Variants in POLD3 observed in about 807,000 individuals in gnomAD.
The protein encoded by POLD3 is DNA polymerase delta 3, accessory subunit, also known as DNA polymerase delta subunit 3.
In POLD3, 19 loss-of-function variants were observed where a neutral mutation model predicts 58.2. The observed-to-expected ratio is 0.33, with a 90% confidence interval of 0.23 to 0.48. The LOEUF is 0.48. Among genes scored for constraint, POLD3 ranks in the 20% least tolerant of loss-of-function variants. POLD3 has a pLI of 0.99. For missense variants in POLD3, 504 were observed against 545.5 expected (o/e 0.92, Z 0.76); for synonymous variants, 172 against 193.5 (o/e 0.89, Z 0.92).
chr11:74,632,962 C>A (rs149090159), intron 9 of POLD3, among the ~76,000 whole-genome samples: 1 of 143,212 alleles, frequency 7.0e-6, no homozygotes, highest in African/African-American at 2.8e-5. Context: ...CCAGGGAAAT[C>A]GTGGTGTCTC....
At chr11:74,594,417 A>G (rs893176059) in intron 2 of POLD3, among the ~76,000 whole-genome samples, 3 of 152,182 alleles carry the variant, frequency 2.0e-5, no homozygotes, top group East Asian at 1.9e-4. Context: ...CTATAATTCT[A>G]TTTCTAAATA....
intron 4 of POLD3, among the ~76,000 whole-genome samples, chr11:74,665,112 T>C (rs991489377): frequency 7.0e-6 from 1 of 143,528 alleles, no homozygotes; most frequent in Non-Finnish European, 1.5e-5. Flanking sequence ...AAAATAAAAA[T>C]AAAAATAAAA....
intron 5 of POLD3, among the ~76,000 whole-genome samples, chr11:74,614,778 G>C (rs1475564941): frequency 6.6e-6 from 1 of 151,976 alleles, no homozygotes; most frequent in East Asian, 1.9e-4. Flanking sequence ...GATGGTGGAA[G>C]ACAGCCTTTC....
chr11:74,621,543 T>A (rs1020471247), intron 7 of POLD3, among the ~76,000 whole-genome samples: 5 of 152,074 alleles, frequency 3.3e-5, no homozygotes, highest in Non-Finnish European at 7.4e-5. Context: ...ATGGTTTTTT[T>A]TAAAAAAATC....
chr11:74,626,983 T>C (rs1386165533), intron 8 of POLD3, among the ~76,000 whole-genome samples: 1 of 152,196 alleles, frequency 6.6e-6, no homozygotes, highest in Non-Finnish European at 1.5e-5. Flanking sequence ...TACATAATAC[T>C]TGATAATAAA....
intron 4 of POLD3, among the ~76,000 whole-genome samples, chr11:74,650,703 C>T (rs1225814762): frequency 6.6e-6 from 1 of 152,204 alleles, no homozygotes; most frequent in Non-Finnish European, 1.5e-5. Context: ...TCCAACCCTC[C>T]TCAGTCCACT....
At chr11:74,645,261 T>G (rs2032985083), downstream of POLD3, among the ~76,000 whole-genome samples, 1 of 152,222 alleles carries the variant, frequency 6.6e-6, no homozygotes, top group Non-Finnish European at 1.5e-5. Context: ...TATTTGAACT[T>G]CACTTGCCAC....
intron 9 of POLD3, among the ~76,000 whole-genome samples, chr11:74,631,377 A>T (rs532791127): frequency 6.6e-6 from 1 of 151,980 alleles, no homozygotes; most frequent in Admixed American, 6.6e-5. Flanking sequence ...GGGGATTTTT[A>T]TCACAGATGG....
intron 7 of POLD3, among the ~76,000 whole-genome samples, chr11:74,622,330 T>TA (rs2032289688): frequency 6.6e-6 from 1 of 152,168 alleles, no homozygotes; most frequent in Non-Finnish European, 1.5e-5. Context: ...ACAATAAACA[T>TA]ACGTGTGCAT....
chr11:74,599,794 G>A (rs948909423), intron 2 of POLD3, among the ~76,000 whole-genome samples: 2 of 152,092 alleles, frequency 1.3e-5, no homozygotes, highest in Non-Finnish European at 1.5e-5. Flanking sequence ...AATTAAGTTG[G>A]GTTAGAGAAA....
At chr11:74,596,302 A>G (rs913039132) in intron 2 of POLD3, among the ~76,000 whole-genome samples, 8 of 148,236 alleles carry the variant, frequency 5.4e-5, no homozygotes, top group African/African-American at 1.7e-4. Flanking sequence ...TACTGCCTCA[A>G]CCTCCGAGGT....
intron 1 of POLD3, chr11:74,593,025 CCTTT>C: frequency 8.2e-7 from 1 of 1,221,166 alleles, no homozygotes; most frequent in Non-Finnish European, 1.0e-6. Flanking sequence ...CGTCCCTACA[CCTTT>C]CTTTTAAGGT....
chr11:74,605,858 A>G (rs1217289998), intron 3 of POLD3, among the ~76,000 whole-genome samples: 1 of 152,116 alleles, frequency 6.6e-6, no homozygotes, highest in East Asian at 1.9e-4. Flanking sequence ...CTGGGTTGGG[A>G]GAATCACTTG....
chr11:74,647,637 A>G (rs10899024), downstream of POLD3, among the ~76,000 whole-genome samples: 83,078 of 152,006 alleles, frequency 0.55, 23,204 homozygotes, highest in Non-Finnish European at 0.61. Flanking sequence ...TTTGCCCAAC[A>G]ACTATGGTGG....
chr11:74,620,676 A>G (rs936593961), intron 7 of POLD3, among the ~76,000 whole-genome samples: 3 of 152,218 alleles, frequency 2.0e-5, no homozygotes, highest in African/African-American at 7.2e-5. Flanking sequence ...ATTCTTTCGT[A>G]TGGAAAGAAC....
rs911147552 is a variant in POLD3, at chr11:74,641,881, C to T, written c.*1115C>T. 1.0e-6 allele frequency: 1 copy of T among 985,222 alleles called. No homozygotes were observed. The highest frequency in any genetic ancestry group is 1.1e-4 in the East Asian group (1 of 8,816). 61.0% of individuals were successfully genotyped at this position (985,222 alleles called of 1,614,324 possible). On this transcript the variant is annotated 3_prime_UTR_variant, in exon 12 of 12. Transcript: ENST00000263681. ...AGACTGAATTGTTAGTAGGTCTAAA[C>T]ATCAAAGAAAACATTTTTATTAGTT...
chr11:74,657,954 C>T (rs192653687), intron 4 of POLD3, among the ~76,000 whole-genome samples: 203 of 152,260 alleles, frequency 1.3e-3, no homozygotes, highest in African/African-American at 4.6e-3. Context: ...TTAAATATGT[C>T]ATGCCACCCT....
chr11:74,649,058 A>G (rs1446740342), intron 4 of POLD3, among the ~76,000 whole-genome samples: 3 of 152,002 alleles, frequency 2.0e-5, no homozygotes, highest in Non-Finnish European at 4.4e-5. Flanking sequence ...TCCTAGTTAA[A>G]CCATGGAGAT....
At chr11:74,602,786 A>G (rs1028151333) in intron 2 of POLD3, among the ~76,000 whole-genome samples, 2 of 152,036 alleles carry the variant, frequency 1.3e-5, no homozygotes, top group Non-Finnish European at 2.9e-5. Flanking sequence ...TCTCTCCCCT[A>G]CTACCGTCCT....
Sources: gnomAD v4.1 joint callset for allele counts (sites outside exome capture counted in the v4.1 genomes callset) on GRCh38, gnomAD v4.1.1 for gene constraint, MANE v1.5 for transcripts, NCBI Gene and HGNC (gene_info 2026-07-23, HGNC 2026-07-21) for gene names.